ZNF532: variants seen among roughly 807,000 people sequenced by gnomAD.
ZNF532 encodes zinc finger protein 532.
ZNF532 carries 22 observed loss-of-function variants against 89.3 expected under a neutral mutation model. The observed-to-expected ratio is 0.25, with a 90% CI of 0.18 to 0.35. ZNF532 has a LOEUF of 0.35. ZNF532 is among the 10% of genes least tolerant of loss of function. The probability of loss-of-function intolerance (pLI) is 1.00; values close to 1 mark genes in which losing one functional copy is unlikely to be tolerated. For synonymous variants in ZNF532, 606 were observed against 649.6 expected, an observed-to-expected ratio of 0.93 and a Z score of 1.02; for missense variants, 1,132 against 1,643.4, an observed-to-expected ratio of 0.69 and a Z score of 5.38.
chr18:58,930,297 A>G (rs942366959), intron 3 of ZNF532, among the ~76,000 whole-genome samples: 3 of 152,132 alleles, frequency 2.0e-5, no homozygotes, highest in South Asian at 2.1e-4. Flanking sequence ...TTTGCATGCT[A>G]TTGATCAATT....
chr18:58,920,410 C>G lies in ZNF532; in HGVS notation c.2123C>G (p.Pro708Arg). ...ACTTCAACTTCCACTCTTCAGAGCC[C>G]TGTGGGAGCTGGCACACACACTGTC... is the stretch of plus-strand genomic sequence containing the variant. ...TSTSTSTLQS[P>R]VGAGTHTVTK... The change falls in exon 3 of 10, where the codon CCT becomes CGT. Residue 708 changes from proline (P) to arginine (R), a missense_variant. Physicochemically the swap from Pro to Arg is moderately radical, Grantham distance 103. This residue lies in a region of ZNF532 where 100 missense variants were observed against 122.0 expected (regional missense o/e 0.82). Transcript: ENST00000591808. The G allele has an allele frequency of 6.2e-7, 1 of 1,613,942 alleles. No individual in the cohort carries two copies.
intron 7 of ZNF532, among the ~76,000 whole-genome samples, chr18:58,964,564 T>C (rs886703428): frequency 6.7e-6 from 1 of 150,044 alleles, no homozygotes; most frequent in South Asian, 2.1e-4. Flanking sequence ...TGTGTGTGTG[T>C]GTGTGTGTGT....
rs1480910962 is a variant in ZNF532, at chr18:58,919,828, A to G, written c.1541A>G (p.Asn514Ser). ...GTGGTGCCGGCATCCAGCCTGGCCA[A>G]TGCCAAACTCGTGCCAAAGACTGTG... is the stretch of plus-strand genomic sequence containing the variant. ...TVVVPASSLA[N>S]AKLVPKTVHL... The change falls in exon 3 of 10, where the codon AAT (asparagine) becomes AGT (serine). Residue 514 changes from asparagine to serine, a missense_variant. By Grantham distance (46) the Asn-to-Ser change is conservative. Transcript: ENST00000591808. The surrounding 1 kb of genome is among the most constrained non-coding windows in gnomAD (Gnocchi z 6.1). 9 of 1,614,002 alleles carry G rather than the reference A, an allele frequency of 5.6e-6. No individual in the cohort carries two copies. Among genetic ancestry groups the G allele is most frequent in the Admixed American group, 3.3e-5 (2 of 60,014 alleles).
chr18:58,878,948 C>T (rs747230345), intron 2 of ZNF532, among the ~76,000 whole-genome samples: 4 of 152,258 alleles, frequency 2.6e-5, no homozygotes, highest in Non-Finnish European at 5.9e-5. Flanking sequence ...TGCTGTTCCA[C>T]AGCTCCTGTG....
At chr18:58,870,068 GGTT>G (rs869299084) in intron 2 of ZNF532, among the ~76,000 whole-genome samples, 1 of 137,072 alleles carries the variant, frequency 7.3e-6, no homozygotes, top group Non-Finnish European at 1.5e-5. Context: ...GCCCAGCCCA[GGTT>G]GTTTTTTTTT....
rs569223891 is a variant in ZNF532, at chr18:58,986,020, G to A, written c.*1554G>A. On this transcript the variant is annotated 3_prime_UTR_variant, in exon 10 of 10. Transcript: ENST00000591808. ...TGTGAAGTTTGGGAAGTAATTAATT[G>A]CAGCGACAAGCTACAGGGTGTTGCA... is the stretch of plus-strand genomic sequence containing the variant. 2.6e-5 allele frequency: 4 copies of A among 152,616 alleles called. No individual in the cohort carries two copies. The East Asian group carries it at 7.7e-4, about 29-fold the overall frequency. 9.5% of individuals were successfully genotyped at this position (152,616 alleles called of 1,614,324 possible). A position where few individuals can be genotyped will look rare whatever the true frequency, so the allele number is the denominator to read the frequency against.
At chr18:58,914,611 C>T (rs182275965) in intron 2 of ZNF532, among the ~76,000 whole-genome samples, 2 of 151,208 alleles carry the variant, frequency 1.3e-5, no homozygotes, top group African/African-American at 4.9e-5. Context: ...ACCCAGGAGG[C>T]GGAGGTTGCA....
At chr18:58,966,799 A>G (rs1191784008) in intron 7 of ZNF532, among the ~76,000 whole-genome samples, 1 of 139,348 alleles carries the variant, frequency 7.2e-6, no homozygotes, top group Admixed American at 8.0e-5. Flanking sequence ...TTACTGTGAC[A>G]TGTTGCTGCT....
intron 3 of ZNF532, among the ~76,000 whole-genome samples, chr18:58,923,150 C>G (rs1239873261): frequency 1.3e-5 from 2 of 152,072 alleles, no homozygotes; most frequent in Non-Finnish European, 2.9e-5. Flanking sequence ...ACCTCCTGAT[C>G]TGTTTCCGTT....
At chr18:58,896,354 TC>T (rs1293002991) in intron 2 of ZNF532, 1 of 152,094 alleles carries the variant, frequency 6.6e-6, no homozygotes, top group African/African-American at 2.4e-5. Context: ...TAAATAACTC[TC>T]CCTTCTCACC....
At chr18:58,877,512 G>C (rs2057527200) in intron 2 of ZNF532, among the ~76,000 whole-genome samples, 1 of 152,220 alleles carries the variant, frequency 6.6e-6, no homozygotes, top group African/African-American at 2.4e-5. Flanking sequence ...CATGAGTTCA[G>C]TTTTAACTTC....
chr18:58,982,292 A>C (rs1293570587), intron 9 of ZNF532, among the ~76,000 whole-genome samples: 6 of 152,118 alleles, frequency 3.9e-5, no homozygotes, highest in African/African-American at 1.4e-4. Flanking sequence ...GGACAAGAGC[A>C]GGACTTTTTT....
intron 2 of ZNF532, among the ~76,000 whole-genome samples, chr18:58,894,827 G>T (rs916305066): frequency 6.6e-6 from 1 of 152,154 alleles, no homozygotes; most frequent in African/African-American, 2.4e-5. Flanking sequence ...AATATTTAGA[G>T]ATTAATGTAC....
intron 2 of ZNF532, among the ~76,000 whole-genome samples, chr18:58,869,036 GACCAATCTAAACA>G (rs2056740639): frequency 4.6e-5 from 7 of 152,130 alleles, no homozygotes; most frequent in African/African-American, 1.7e-4. Context: ...TTGTGTTTCT[GACCAATCTAAACA>G]CATAAAAGGT....
chr18:58,887,773 T>C (rs959281645), intron 2 of ZNF532, among the ~76,000 whole-genome samples: 1 of 152,170 alleles, frequency 6.6e-6, no homozygotes, highest in African/African-American at 2.4e-5. Flanking sequence ...TCCTAGGGCC[T>C]ATCTGAAGGC....
At position 58,918,209 on chromosome 18, in the gene ZNF532, GT is replaced by G. The variant is rs368952475; in HGVS notation, c.-17-58del. On this transcript the variant is annotated intron_variant, in intron 2 of 9. Transcript: ENST00000591808. ...TTATGTTAGTGTGAATTGTATAGGG[GT>G]TTTATCTCATCGTGAGGAAATACCA... The G allele has an allele frequency of 5.3e-4, 780 of 1,459,164 alleles. 7 individuals carry two copies. In the African/African-American group the frequency reaches 8.0e-3, roughly 15 times the overall value. The allele number at this position is 1,459,164 out of a possible 1,614,324, so 90.4% of individuals were successfully genotyped here.
chr18:58,930,402 G>A (rs1416135625), intron 3 of ZNF532, among the ~76,000 whole-genome samples: 1 of 152,050 alleles, frequency 6.6e-6, no homozygotes, highest in East Asian at 1.9e-4. Flanking sequence ...CAAAGTGGGC[G>A]GATTGCCTGA....
chr18:58,931,849 AG>A (rs1017142997), intron 3 of ZNF532: 2 of 152,092 alleles, frequency 1.3e-5, no homozygotes, highest in African/African-American at 4.8e-5. Flanking sequence ...CTGAGGAGTG[AG>A]GATTGCTTGA....
At chr18:58,875,237 C>T (rs965970980) in intron 2 of ZNF532, among the ~76,000 whole-genome samples, 1 of 151,362 alleles carries the variant, frequency 6.6e-6, no homozygotes, top group Non-Finnish European at 1.5e-5. Flanking sequence ...TCTCAAACTT[C>T]TGGACTCAAG....
Sources: allele counts gnomAD v4.1 joint callset (sites outside exome capture counted in the v4.1 genomes callset), GRCh38; gene constraint gnomAD v4.1.1; regional missense constraint gnomAD v4.1.1; non-coding constraint Gnocchi (gnomAD v3.1); transcripts MANE v1.5; gene names NCBI Gene and HGNC (gene_info 2026-07-23, HGNC 2026-07-21).